The following TMEM266 variants were observed in gnomAD, a reference collection of about 807,000 sequenced individuals.
TMEM266 encodes the protein Hv1 related protein 1.
In TMEM266, 33 loss-of-function variants were observed where a neutral mutation model predicts 50.5. That is an observed-to-expected ratio of 0.65 (90% CI 0.50 to 0.87). TMEM266 has a LOEUF of 0.87. Ranked by LOEUF, TMEM266 falls within the 40% of genes least tolerant of loss-of-function variation. TMEM266 has a pLI of 0.00. For synonymous variants in TMEM266, 310 were observed against 292.3 expected, an observed-to-expected ratio of 1.06 and a Z score of -0.62; for missense variants, 655 against 695.1, an observed-to-expected ratio of 0.94 and a Z score of 0.65.
intron 1 of TMEM266, among the ~76,000 whole-genome samples, chr15:76,086,931 G>T (rs543173710): frequency 1.1e-4 from 11 of 99,024 alleles, no homozygotes; most frequent in East Asian, 6.3e-4. Context: ...AGCAGGTCGG[G>T]GGGGGGGCGG....
chr15:76,149,914 A>G (rs2037812257), intron 3 of TMEM266, among the ~76,000 whole-genome samples: 1 of 152,236 alleles, frequency 6.6e-6, no homozygotes, highest in South Asian at 2.1e-4. Context: ...GCTTTCTCCA[A>G]TATTTTAATC....
chr15:76,166,670 T>G (rs184328636), intron 5 of TMEM266, among the ~76,000 whole-genome samples: 11 of 152,360 alleles, frequency 7.2e-5, no homozygotes, highest in Admixed American at 4.6e-4. Context: ...CCCTCACTCC[T>G]GGGCCTCTGC....
In TMEM266 at chr15:76,167,045, TCCCAG is replaced by T. The variant is rs2038108272; in HGVS notation, c.457-2768_457-2764del. 3.3e-5 allele frequency among the ~76,000 whole-genome samples: 5 copies of T among 152,256 alleles called. No individual in the cohort carries two copies. The South Asian group carries it at 1.0e-3, about 32-fold the overall frequency. On this transcript the variant is annotated intron_variant, in intron 5 of 10. Coordinates refer to ENST00000388942, the MANE Select transcript of TMEM266 (RefSeq NM_152335.3). ...TTTGCACCAGGCCGTATTCCCATCT[TCCCAG>T]CCTGGACTTTTGTCTTGGACACCCC...
intron 8 of TMEM266, among the ~76,000 whole-genome samples, chr15:76,185,116 G>C (rs1210810744): frequency 6.6e-6 from 1 of 151,914 alleles, no homozygotes; most frequent in East Asian, 1.9e-4. Context: ...GGGGTTTTTT[G>C]GTATTTATTC....
At chr15:76,127,790 G>T (rs2037446238) in intron 1 of TMEM266, among the ~76,000 whole-genome samples, 1 of 152,110 alleles carries the variant, frequency 6.6e-6, no homozygotes, top group Non-Finnish European at 1.5e-5. Context: ...GCAAAATAGG[G>T]ATAAAAATAA....
At chr15:76,111,331 C>T (rs1202464601) in intron 1 of TMEM266, among the ~76,000 whole-genome samples, 3 of 151,690 alleles carry the variant, frequency 2.0e-5, no homozygotes, top group South Asian at 2.1e-4. Context: ...CCGCCTTGGC[C>T]TTCCAAAGTG....
chr15:76,118,419 G>A (rs1048383197), intron 1 of TMEM266, among the ~76,000 whole-genome samples: 5 of 152,124 alleles, frequency 3.3e-5, no homozygotes, highest in Non-Finnish European at 7.4e-5. Context: ...AAAATTAGCT[G>A]GGCCTGGTGG....
At chr15:76,079,589 A>G (rs2036654285) in intron 1 of TMEM266, among the ~76,000 whole-genome samples, 2 of 149,920 alleles carry the variant, frequency 1.3e-5, no homozygotes, top group African/African-American at 2.5e-5. Context: ...GGAGTTCAAG[A>G]CCAGCCTGGC....
chr15:76,114,780 T>A (rs924904852), intron 1 of TMEM266, among the ~76,000 whole-genome samples: 1 of 152,174 alleles, frequency 6.6e-6, no homozygotes, highest in Non-Finnish European at 1.5e-5. Context: ...ACTATTTAGT[T>A]CCGAAACATT....
intron 1 of TMEM266, among the ~76,000 whole-genome samples, chr15:76,115,184 A>G (rs1444286212): frequency 6.6e-6 from 1 of 152,126 alleles, no homozygotes; most frequent in East Asian, 1.9e-4. Flanking sequence ...TCCCCTCAAG[A>G]ACGCCACCTC....
At chr15:76,185,086 G>C (rs1450270263) in intron 8 of TMEM266, among the ~76,000 whole-genome samples, 1 of 152,196 alleles carries the variant, frequency 6.6e-6, no homozygotes, top group African/African-American at 2.4e-5. Context: ...ACTGCAAGGT[G>C]CTTCTGTGTG....
intron 5 of TMEM266, among the ~76,000 whole-genome samples, chr15:76,162,147 G>T (rs1204271752): frequency 6.6e-6 from 1 of 152,184 alleles, no homozygotes; most frequent in African/African-American, 2.4e-5. Context: ...GGGGAGAGCA[G>T]GGTCTGCAGG....
intron 10 of TMEM266, among the ~76,000 whole-genome samples, chr15:76,202,948 TTC>T (rs2038772475): frequency 6.6e-6 from 1 of 152,096 alleles, no homozygotes; most frequent in African/African-American, 2.4e-5. Context: ...CTCATCCCTC[TTC>T]TCTCCTCCCT....
intron 1 of TMEM266, among the ~76,000 whole-genome samples, chr15:76,115,333 C>T (rs1271894454): frequency 6.6e-6 from 1 of 152,168 alleles, no homozygotes; most frequent in Non-Finnish European, 1.5e-5. Flanking sequence ...CTGATGTGAA[C>T]GTGGGAAGAT....
intron 1 of TMEM266, among the ~76,000 whole-genome samples, chr15:76,132,495 TA>T (rs998483374): frequency 1.3e-5 from 2 of 151,992 alleles, no homozygotes; most frequent in Non-Finnish European, 2.9e-5. Flanking sequence ...TTTTAATTTA[TA>T]AAAAAATAAT....
chr15:76,133,444 T>A (rs1042439313), intron 1 of TMEM266, among the ~76,000 whole-genome samples: 26 of 149,610 alleles, frequency 1.7e-4, no homozygotes, highest in Admixed American at 4.0e-4. Flanking sequence ...CTAAAAAAAA[T>A]AAATAAATAA....
At chr15:76,124,843 T>A (rs1241652464) in intron 1 of TMEM266, among the ~76,000 whole-genome samples, 4 of 150,834 alleles carry the variant, frequency 2.7e-5, no homozygotes, top group African/African-American at 9.8e-5. Context: ...AAAAAAAAAA[T>A]TCCTAAAATT....
In TMEM266 at chr15:76,204,162, G is replaced by A; in HGVS notation, c.1443G>A (p.Arg481=). 1.2e-6 allele frequency: 2 copies of A among 1,613,658 alleles called. No homozygotes were observed. The highest frequency in any genetic ancestry group is 1.3e-5 in the African/African-American group (1 of 75,042). ...AAACCAGCCCCGAGCTGGAACACAG[G>A]GTAAGTCTGTTCAACCAGAAGAACC... Residue 481 remains arginine (R), a synonymous_variant, in exon 11 of 11, where the codon AGG becomes AGA. Transcript: ENST00000388942.
At chr15:76,117,199 G>A (rs915593550) in intron 1 of TMEM266, among the ~76,000 whole-genome samples, 1 of 151,922 alleles carries the variant, frequency 6.6e-6, no homozygotes, top group Non-Finnish European at 1.5e-5. Context: ...ACACCCAGCC[G>A]AATCCATCAG....
Sources: gnomAD v4.1 joint callset for allele counts (sites outside exome capture counted in the v4.1 genomes callset) on GRCh38, gnomAD v4.1.1 for gene constraint, MANE v1.5 for transcripts, NCBI Gene and HGNC (gene_info 2026-07-23, HGNC 2026-07-21) for gene names.